The following DOCK10 variants were observed in gnomAD, a reference collection of about 807,000 sequenced individuals.
DOCK10 encodes the protein dedicator of cytokinesis 10.
Under a neutral mutation model 280.1 loss-of-function variants are expected in DOCK10, and 145 were observed. That is an observed-to-expected ratio of 0.52 (90% CI 0.45 to 0.59). The LOEUF (loss-of-function observed/expected upper bound fraction) is 0.59, where lower values mean the gene tolerates loss of function less well. DOCK10 is among the 20% of genes least tolerant of loss of function. The pLI is 0.00. For synonymous variants in DOCK10, 915 were observed against 942.2 expected (o/e 0.97, Z 0.53); for missense variants, 2,368 against 2,651.7 (o/e 0.89, Z 2.35).
intron 50 of DOCK10, among the ~76,000 whole-genome samples, chr2:224,782,958 C>T (rs748799724): frequency 1.3e-5 from 2 of 152,166 alleles, no homozygotes; most frequent in Non-Finnish European, 2.9e-5. Flanking sequence ...ATCTTCGGAA[C>T]CTTCATTCTG....
chr2:224,918,803 T>A (rs1489982415), intron 2 of DOCK10, among the ~76,000 whole-genome samples: 1 of 151,482 alleles, frequency 6.6e-6, no homozygotes, highest in Non-Finnish European at 1.5e-5. Context: ...TGTGGTAGTG[T>A]ATGTGTGGTG....
intron 41 of DOCK10, among the ~76,000 whole-genome samples, chr2:224,799,682 G>C (rs1390406509): frequency 6.6e-6 from 1 of 152,186 alleles, no homozygotes; most frequent in Non-Finnish European, 1.5e-5. Context: ...CAAAACTTTG[G>C]ATGGTCAGTC....
chr2:224,867,075 T>TACAC (rs61496329), intron 11 of DOCK10, among the ~76,000 whole-genome samples: 9,664 of 144,232 alleles, frequency 0.067, 490 homozygotes, highest in African/African-American at 0.15. Context: ...AGCTAAGAAA[T>TACAC]ACACACACAC....
chr2:225,012,236 T>C (rs1328952583), intron 1 of DOCK10, among the ~76,000 whole-genome samples: 4 of 151,900 alleles, frequency 2.6e-5, no homozygotes, highest in Non-Finnish European at 5.9e-5. Context: ...TGCTCAGAGG[T>C]TTTAACCTCT....
chr2:224,994,351 G>T (rs1026971171), intron 1 of DOCK10, among the ~76,000 whole-genome samples: 16 of 152,288 alleles, frequency 1.1e-4, no homozygotes, highest in African/African-American at 3.8e-4. Flanking sequence ...TCCCTCAGAA[G>T]ACTGCTGTGA....
At chr2:224,974,793 A>G (rs2122250) in intron 1 of DOCK10, among the ~76,000 whole-genome samples, 2 of 115,706 alleles carry the variant, frequency 1.7e-5, no homozygotes, top group Admixed American at 2.0e-4. Flanking sequence ...TGTTCTCTCT[A>G]TATATATCAT....
At position 224,775,026 on chromosome 2, in the gene DOCK10, C is replaced by A; in HGVS notation, c.5892G>T (p.Arg1964=). ...PFFEEKEIED[R]KTDFEMHHNI... ...TGTGGTGCATTTCGAAATCTGTCTT[C>A]CGGTCTTCGATTTCCTTTTCCTCAA... is the stretch of plus-strand genomic sequence containing the variant. Residue 1964 remains arginine (R), a synonymous_variant, in exon 52 of 56, where the codon CGG becomes CGT. Transcript: ENST00000258390. 6.2e-7 allele frequency: 1 copy of A among 1,614,018 alleles called. No individual in the cohort carries two copies.
chr2:225,012,856 T>A (rs995562296), intron 1 of DOCK10, among the ~76,000 whole-genome samples: 2 of 152,212 alleles, frequency 1.3e-5, no homozygotes, highest in Admixed American at 1.3e-4. Context: ...ATTAGTTGTT[T>A]AATGCCACAG....
chr2:224,787,503 C>A (rs1691816604), intron 48 of DOCK10, 106 bp from the exon 49 acceptor site: 5 of 1,424,740 alleles, frequency 3.5e-6, no homozygotes, highest in Non-Finnish European at 4.8e-6. Flanking sequence ...CCCTCTGTTA[C>A]TGGCATTTAA....
intron 1 of DOCK10, among the ~76,000 whole-genome samples, chr2:225,007,323 T>A (rs1689301693): frequency 6.6e-6 from 1 of 152,200 alleles, no homozygotes; most frequent in African/African-American, 2.4e-5. Flanking sequence ...CTCTCTTGAC[T>A]TTGTTAAATT....
intron 1 of DOCK10, among the ~76,000 whole-genome samples, chr2:224,961,428 T>TTCTTTCTC (rs897582312): frequency 8.0e-6 from 1 of 124,610 alleles, no homozygotes; most frequent in Non-Finnish European, 1.7e-5. Flanking sequence ...CTTTCTTTCT[T>TTCTTTCTC]TCTTTCTTTC....
chr2:224,797,571 C>T (rs748989386), intron 42 of DOCK10, among the ~76,000 whole-genome samples: 3 of 152,048 alleles, frequency 2.0e-5, no homozygotes, highest in East Asian at 1.9e-4. Flanking sequence ...AACTTGGTGC[C>T]GCAAACACAG....
chr2:224,861,084 A>G (rs1330442783), intron 14 of DOCK10: 1 of 152,188 alleles, frequency 6.6e-6, no homozygotes. Context: ...CAATACCAAA[A>G]ATGTTTAATC....
At chr2:224,960,275 T>C (rs11683761) in intron 1 of DOCK10, among the ~76,000 whole-genome samples, 37,385 of 152,070 alleles carry the variant, frequency 0.25, 5,123 homozygotes, top group South Asian at 0.33. Context: ...CTGAGGGGAT[T>C]CCCCTACCTG....
In DOCK10 at chr2:224,916,687, A is replaced by G; in HGVS notation, c.333+8T>C. 2 of 1,599,426 alleles carry G rather than the reference A, an allele frequency of 1.3e-6. No homozygotes were observed. Among genetic ancestry groups the G allele is most frequent in the Non-Finnish European group, 8.5e-7 (1 of 1,170,844 alleles). ...CTTAAAATAAAGCATTGGAAGCATC[A>G]CATTTACCTCCTTAACCAGTAAATT... On this transcript the variant is annotated splice_region_variant and intron_variant, in intron 3 of 55. Transcript: ENST00000258390.
intron 1 of DOCK10, among the ~76,000 whole-genome samples, chr2:225,003,171 C>T (rs1010491173): frequency 5.3e-5 from 8 of 152,056 alleles, no homozygotes; most frequent in Admixed American, 2.0e-4. Flanking sequence ...CTCAGCCTCC[C>T]GAGTAGCTGG....
rs182598191 is a variant in DOCK10, at chr2:224,887,396, A to G, written c.417-865T>C. ...GGTAGCAATTACACTTACTTTGTGC[A>G]TTTCCATGGTATCCTAGAAATGCCT... On this transcript the variant is annotated intron_variant, in intron 4 of 55. Transcript: ENST00000258390. Among the ~76,000 whole-genome samples, 694 of 152,288 alleles carry G rather than the reference A, an allele frequency of 4.6e-3. 2 individuals are homozygous for G. The highest frequency in any genetic ancestry group is 7.4e-3 in the Non-Finnish European group (504 of 68,024).
chr2:225,039,686 T>TTC (rs5839087), intron 1 of DOCK10, among the ~76,000 whole-genome samples: 2,680 of 150,168 alleles, frequency 0.018, 55 homozygotes, highest in South Asian at 0.059. Context: ...GCTTCCTGTC[T>TTC]TCTCTCTCTC....
rs546783180 is a variant in DOCK10 at position 224,955,456 on chromosome 2, A to G, written c.124-23788T>C. On this transcript the variant is annotated intron_variant, in intron 1 of 55. Transcript: ENST00000258390. ...AATTGCTGAGTGTGAAGGCAACCAGATATCTAGACCAACAATTTATTGCTA... is the reference window on the plus strand; with the variant it reads ...AATTGCTGAGTGTGAAGGCAACCAGGTATCTAGACCAACAATTTATTGCTA... 2.0e-5 allele frequency among the ~76,000 whole-genome samples: 3 copies of G among 152,340 alleles called. No homozygotes were observed. The South Asian group carries it at 6.2e-4, about 32-fold the overall frequency.
Sources: allele counts gnomAD v4.1 joint callset (sites outside exome capture counted in the v4.1 genomes callset), GRCh38; gene constraint gnomAD v4.1.1; transcripts MANE v1.5; gene names NCBI Gene and HGNC (gene_info 2026-07-23, HGNC 2026-07-21).